MINAR1: variants seen among roughly 807,000 people sequenced by gnomAD.
MINAR1 encodes the protein major intrinsically disordered Notch2-binding receptor 1.
A neutral mutation model predicts 65.1 loss-of-function variants in MINAR1; 40 were observed. The observed-to-expected ratio is 0.61, with a 90% CI of 0.48 to 0.80. MINAR1 has a LOEUF of 0.80. Ranked by LOEUF, MINAR1 falls within the 30% of genes least tolerant of loss-of-function variation. The probability of loss-of-function intolerance (pLI) is 0.00; values close to 1 mark genes in which losing one functional copy is unlikely to be tolerated. For missense variants in MINAR1, 1,128 were observed against 1,148.0 expected, an observed-to-expected ratio of 0.98 and a Z score of 0.25; for synonymous variants, 482 against 449.1, an observed-to-expected ratio of 1.07 and a Z score of -0.93.
At chr15:79,414,700 C>A in the MINAR1 span, 1 of 152,110 alleles carries the variant, frequency 6.6e-6, no homozygotes, top group Non-Finnish European at 1.5e-5. Flanking sequence ...GGAACAGTCA[C>A]CTGAATTTCA....
chr15:79,428,515 C>G (rs1418282934), upstream of MINAR1, among the ~76,000 whole-genome samples: 2 of 147,208 alleles, frequency 1.4e-5, no homozygotes, highest in Non-Finnish European at 3.0e-5. Context: ...CTCCTTCCCT[C>G]CTTCCCTCCC....
At chr15:79,447,979 T>C (rs1259139807) in intron 1 of MINAR1, among the ~76,000 whole-genome samples, 5 of 152,132 alleles carry the variant, frequency 3.3e-5, no homozygotes, top group African/African-American at 9.7e-5. Context: ...CTAATCTACC[T>C]TAGAAGGACC....
At chr15:79,425,357 T>C in the MINAR1 span, 1 of 152,222 alleles carries the variant, frequency 6.6e-6, no homozygotes, top group East Asian at 1.9e-4. Flanking sequence ...TAACAATGTA[T>C]ATAACTGTCA....
At position 79,470,940 on chromosome 15, in the gene MINAR1, G is replaced by T. The variant is rs559779847; in HGVS notation, c.*2556G>T. 2 of 152,284 alleles carry T rather than the reference G, an allele frequency of 1.3e-5. No individual in the cohort carries two copies. Among genetic ancestry groups the T allele is most frequent in the South Asian group, 2.1e-4 (1 of 4,818 alleles). 9.4% of individuals were successfully genotyped at this position (152,284 alleles called of 1,614,324 possible). ...GGGTCTTGGGATAGATAGAAGGTGA[G>T]GTTCACAGTTGGAGCTTTTCTTGCC... On this transcript the variant is annotated 3_prime_UTR_variant, in exon 4 of 4. Transcript: ENST00000305428.
intron 1 of MINAR1, among the ~76,000 whole-genome samples, chr15:79,439,831 G>A (rs1297686749): frequency 6.6e-6 from 1 of 151,936 alleles, no homozygotes; most frequent in Admixed American, 6.6e-5. Context: ...AGCAGGTACG[G>A]GAGAAGCCTG....
chr15:79,462,510 A>G (rs1361659870), intron 2 of MINAR1, among the ~76,000 whole-genome samples: 1 of 152,126 alleles, frequency 6.6e-6, no homozygotes, highest in Non-Finnish European at 1.5e-5. Context: ...GCCTGGGAAA[A>G]TCACTAGAGG....
intron 2 of MINAR1, among the ~76,000 whole-genome samples, chr15:79,459,433 C>T (rs1354596786): frequency 1.3e-5 from 2 of 152,156 alleles, no homozygotes; most frequent in Non-Finnish European, 2.9e-5. Flanking sequence ...TTCTATGGGA[C>T]CTGTGGCCCA....
rs369696703 is a variant in MINAR1 at position 79,456,735 on chromosome 15, G to A, written c.588G>A (p.Gln196=). 16 of 1,614,216 alleles carry A rather than the reference G, an allele frequency of 9.9e-6. No homozygotes were observed. The East Asian group carries it at 2.7e-4, about 27-fold the overall frequency. The change falls in exon 2 of 4, where the codon CAG becomes CAA. Residue 196 remains glutamine (Q), a synonymous_variant. Coordinates refer to ENST00000305428, the MANE Select transcript of MINAR1 (RefSeq NM_015206.3). ...KNRAASLDRL[Q]ALAPYSVTSP... ...GCGCCGCTTCCCTGGACAGGTTGCA[G>A]GCCCTGGCTCCGTACTCTGTGACCA...
In MINAR1 at chr15:79,458,100, C is replaced by T. The variant is rs775942153; in HGVS notation, c.1953C>T (p.Ser651=). ...SVQIDLNSLT[S]EGPSDDSASP... is the part of the protein sequence containing the mutation. ...AGATAGATCTGAACTCCTTGACAAGCGAGGGTCCGTCTGATGACAGTGCCT... is the reference window on the plus strand; with the variant it reads ...AGATAGATCTGAACTCCTTGACAAGTGAGGGTCCGTCTGATGACAGTGCCT... The change falls in exon 2 of 4, where the codon AGC becomes AGT. Residue 651 remains serine (S), a synonymous_variant. Coordinates refer to ENST00000305428, the MANE Select transcript of MINAR1 (RefSeq NM_015206.3). The T allele has an allele frequency of 4.0e-5, 65 of 1,614,046 alleles. 2 individuals carry two copies. Among genetic ancestry groups the T allele is most frequent in the South Asian group, 3.2e-4 (29 of 91,076 alleles).
chr15:79,463,115 C>A lies in MINAR1; in HGVS notation c.2347C>A (p.Pro783Thr). Reference sequence around the variant, plus strand: ...CCCACAGCACCGACTGCCCAAGCAGCCCAAAGATGGCTTCCTGGTGGAGCA... The same window carrying A: ...CCCACAGCACCGACTGCCCAAGCAGACCAAAGATGGCTTCCTGGTGGAGCA... ...IPPQHRLPKQ[P>T]KDGFLVEQVF... The change falls in exon 3 of 4, where the codon CCC (proline) becomes ACC (threonine). Residue 783 changes from proline (P) to threonine (T), a missense_variant. Pro to Thr is a conservative substitution (Grantham distance 38). Coordinates refer to ENST00000305428, the MANE Select transcript of MINAR1 (RefSeq NM_015206.3). The A allele has an allele frequency of 6.2e-7, 1 of 1,614,196 alleles. No individual in the cohort carries two copies. The highest frequency in any genetic ancestry group is 8.5e-7 in the Non-Finnish European group (1 of 1,180,042).
the MINAR1 span, chr15:79,419,773 T>C: frequency 2.0e-5 from 3 of 152,164 alleles, no homozygotes; most frequent in Non-Finnish European, 2.9e-5. Flanking sequence ...AGGCATTCTC[T>C]CAAATCATGG....
intron 1 of MINAR1, among the ~76,000 whole-genome samples, chr15:79,449,877 G>C (rs922014042): frequency 6.6e-6 from 1 of 152,120 alleles, no homozygotes; most frequent in Non-Finnish European, 1.5e-5. Context: ...TCTGCCCTCT[G>C]CCTAGAGTAC....
At chr15:79,443,950 A>G (rs1894940459) in intron 1 of MINAR1, among the ~76,000 whole-genome samples, 1 of 152,226 alleles carries the variant, frequency 6.6e-6, no homozygotes, top group Non-Finnish European at 1.5e-5. Flanking sequence ...ATATTCAGCA[A>G]TCCTTGGTGT....
intron 1 of MINAR1, among the ~76,000 whole-genome samples, chr15:79,437,799 T>G (rs1446390285): frequency 2.1e-4 from 3 of 14,132 alleles, no homozygotes; most frequent in Admixed American, 1.1e-3. Flanking sequence ...GGGTGTGGGG[T>G]TGGCAGTGAG....
chr15:79,449,087 T>C (rs1324180055), intron 1 of MINAR1, among the ~76,000 whole-genome samples: 3 of 152,194 alleles, frequency 2.0e-5, no homozygotes, highest in African/African-American at 4.8e-5. Context: ...TTCTGGCCTT[T>C]CCCAAACTAC....
chr15:79,465,724 T>C (rs1019534980), intron 3 of MINAR1, among the ~76,000 whole-genome samples: 1 of 151,970 alleles, frequency 6.6e-6, no homozygotes, highest in African/African-American at 2.4e-5. Flanking sequence ...GTTCTACCCA[T>C]AGTGTGCTGA....
chr15:79,463,528 A>G (rs1199154132), intron 3 of MINAR1, among the ~76,000 whole-genome samples: 1 of 152,224 alleles, frequency 6.6e-6, no homozygotes, highest in East Asian at 1.9e-4. Context: ...ATTTGTAAAC[A>G]TTTAGCAGTA....
At chr15:79,439,496 GTCA>G (rs1336225568) in intron 1 of MINAR1, among the ~76,000 whole-genome samples, 1 of 151,536 alleles carries the variant, frequency 6.6e-6, no homozygotes, top group East Asian at 1.9e-4. Flanking sequence ...GTGGCAGTCA[GTCA>G]GGGAATGTTC....
In MINAR1 at chr15:79,468,239, A is replaced by G; in HGVS notation, c.2606A>G (p.Tyr869Cys). The G allele has an allele frequency of 1.9e-6, 3 of 1,614,078 alleles. No homozygotes were observed. Among genetic ancestry groups the G allele is most frequent in the Non-Finnish European group, 2.5e-6 (3 of 1,179,964 alleles). ...TTAGAGTACTGGATGGAAGACATTTATACTCCAGGATACGATTCATTACTA... is the reference window on the plus strand; with the variant it reads ...TTAGAGTACTGGATGGAAGACATTTGTACTCCAGGATACGATTCATTACTA... Reference protein sequence around the residue: ...NNLEYWMEDIYTPGYDSLLKR... With the variant: ...NNLEYWMEDICTPGYDSLLKR... Residue 869 changes from tyrosine (Y) to cysteine (C), a missense_variant, in exon 4 of 4, where the codon TAT becomes TGT. Coordinates refer to ENST00000305428, the MANE Select transcript of MINAR1 (RefSeq NM_015206.3).
Sources: gnomAD v4.1 joint callset for allele counts (sites outside exome capture counted in the v4.1 genomes callset) on GRCh38, gnomAD v4.1.1 for gene constraint, MANE v1.5 for transcripts, NCBI Gene and HGNC (gene_info 2026-07-23, HGNC 2026-07-21) for gene names.